Variants in KIAA1217 observed in about 807,000 individuals in gnomAD.
KIAA1217 encodes the protein sickle tail protein homolog.
In KIAA1217, 88 loss-of-function variants were observed where a neutral mutation model predicts 163.9. The ratio of observed to expected loss-of-function variants is 0.54; its 90% CI spans 0.45 to 0.64. The LOEUF (loss-of-function observed/expected upper bound fraction) is 0.64, where lower values mean the gene tolerates loss of function less well. Among genes scored for constraint, KIAA1217 ranks in the 30% least tolerant of loss-of-function variants. The pLI is 0.00. For missense variants in KIAA1217, 2,372 were observed against 2,475.0 expected (o/e 0.96, Z 0.88); for synonymous variants, 903 against 923.1 (o/e 0.98, Z 0.39).
chr10:23,708,019 A>T (rs1436564614), intron 1 of KIAA1217, among the ~76,000 whole-genome samples: 1 of 152,192 alleles, frequency 6.6e-6, no homozygotes, highest in Non-Finnish European at 1.5e-5. Context: ...CTGAGACTGG[A>T]TAATTTATAA....
chr10:24,000,007 A>G (rs954736261), intron 1 of KIAA1217, among the ~76,000 whole-genome samples: 2 of 152,212 alleles, frequency 1.3e-5, no homozygotes, highest in Non-Finnish European at 2.9e-5. Flanking sequence ...TTGAGCTTAC[A>G]GTGAGCTGTG....
At chr10:24,539,339 G>A (rs900754565) in intron 17 of KIAA1217, among the ~76,000 whole-genome samples, 6 of 151,138 alleles carry the variant, frequency 4.0e-5, no homozygotes, top group South Asian at 2.1e-4. Context: ...AGTGATTCTC[G>A]TGCCTCAGCC....
chr10:24,116,444 A>G (rs2063058236), intron 2 of KIAA1217, among the ~76,000 whole-genome samples: 1 of 152,132 alleles, frequency 6.6e-6, no homozygotes, highest in African/African-American at 2.4e-5. Context: ...GCAGGAAAAC[A>G]GCTGTAGACA....
In KIAA1217 at chr10:24,237,275, G is replaced by A. The variant is rs150023756; in HGVS notation, c.354+17366G>A. Among the ~76,000 whole-genome samples the A allele has an allele frequency of 2.4e-3, 370 of 152,306 alleles. 3 individuals are homozygous for A. The highest frequency in any genetic ancestry group is 8.4e-3 in the African/African-American group (351 of 41,558). On this transcript the variant is annotated intron_variant, in intron 2 of 20. Transcript: ENST00000376454. Reference sequence around the variant, plus strand: ...TGTTGTCCTTATTGCTGGGATCCTTGTTGCCAAACACTTTCCCAGCTCTAA... The same window carrying A: ...TGTTGTCCTTATTGCTGGGATCCTTATTGCCAAACACTTTCCCAGCTCTAA...
At chr10:24,198,050 T>G (rs1041901380) in intron 2 of KIAA1217, among the ~76,000 whole-genome samples, 1 of 152,246 alleles carries the variant, frequency 6.6e-6, no homozygotes, top group East Asian at 1.9e-4. Context: ...AACATATGCA[T>G]CCACCTCTGT....
At chr10:24,196,331 G>A (rs1261906378) in intron 2 of KIAA1217, among the ~76,000 whole-genome samples, 1 of 152,214 alleles carries the variant, frequency 6.6e-6, no homozygotes, top group Non-Finnish European at 1.5e-5. Context: ...CAGCTTCCAG[G>A]CAATTGCACA....
chr10:24,425,702 T>C (rs2059118748), intron 3 of KIAA1217, among the ~76,000 whole-genome samples: 1 of 152,216 alleles, frequency 6.6e-6, no homozygotes, highest in South Asian at 2.1e-4. Flanking sequence ...TGATACTTCA[T>C]TGAGTGTCTA....
Position 23,993,553 on chromosome 10 carries a change from C to CTTTTTTTT in KIAA1217, c.-320-13659_-320-13652dup, listed in dbSNP as rs200437343. Among the ~76,000 whole-genome samples the CTTTTTTTT allele has an allele frequency of 6.1e-4, 42 of 68,936 alleles. 13 individuals are homozygous for CTTTTTTTT. The highest frequency in any genetic ancestry group is 1.2e-3 in the South Asian group (2 of 1,674). The allele number at this position is 68,936 out of a possible 152,430, so 45.2% of individuals were successfully genotyped here. ...AAGAGTTTGGCTCTCCATAGCCCAG[C>CTTTTTTTT]TTTTTTTTTTTTTTTTTTTTGAGAC... On this transcript the variant is annotated intron_variant, in intron 1 of 18. Coordinates refer to the KIAA1217 transcript ENST00000376462.
chr10:24,180,165 T>A (rs2066101716), intron 2 of KIAA1217, among the ~76,000 whole-genome samples: 1 of 152,166 alleles, frequency 6.6e-6, no homozygotes, highest in Non-Finnish European at 1.5e-5. Context: ...AAAATCCTTA[T>A]GCCAAAGTGG....
rs12240469 is a variant in KIAA1217 at position 24,166,789 on chromosome 10, G to T, written c.-170-52837G>T. ...ATAATTCAGATGTTCCTAGCATATA[G>T]AAAGCATAAATATTTAAGGTAATGG... On this transcript the variant is annotated intron_variant, in intron 2 of 18. Coordinates refer to the KIAA1217 transcript ENST00000376462. 3.0e-3 allele frequency among the ~76,000 whole-genome samples: 462 copies of T among 152,200 alleles called. 2 individuals carry two copies. The highest frequency in any genetic ancestry group is 0.011 in the African/African-American group (437 of 41,528).
intron 1 of KIAA1217, among the ~76,000 whole-genome samples, chr10:23,721,512 G>T (rs1160328675): frequency 6.6e-6 from 1 of 150,976 alleles, no homozygotes; most frequent in African/African-American, 2.4e-5. Context: ...TCCTACAATT[G>T]CTTTCACTGC....
chr10:23,880,531 T>C (rs1754501061), intron 1 of KIAA1217, among the ~76,000 whole-genome samples: 1 of 151,888 alleles, frequency 6.6e-6, no homozygotes, highest in South Asian at 2.1e-4. Flanking sequence ...TAAGACCTAG[T>C]ATTTGCTAGG....
At chr10:23,924,965 T>C (rs1172437030) in intron 1 of KIAA1217, among the ~76,000 whole-genome samples, 1 of 147,336 alleles carries the variant, frequency 6.8e-6, no homozygotes, top group Non-Finnish European at 1.5e-5. Flanking sequence ...TAAAAAAAAA[T>C]CCAGTAGCCA....
chr10:23,938,164 T>A (rs1843612472), intron 1 of KIAA1217, among the ~76,000 whole-genome samples: 1 of 152,196 alleles, frequency 6.6e-6, no homozygotes. Context: ...CACGCAGAAC[T>A]TTCCTCAGAG....
chr10:24,297,077 A>ATGG (rs2040710997), intron 2 of KIAA1217, among the ~76,000 whole-genome samples: 1 of 152,228 alleles, frequency 6.6e-6, no homozygotes, highest in East Asian at 1.9e-4. Flanking sequence ...TTAGCTGTCT[A>ATGG]GGAATAAAAC....
At position 23,695,453 on chromosome 10, in the gene KIAA1217, C is replaced by A. The variant is rs1835965292; in HGVS notation, c.-321+219C>A. On this transcript the variant is annotated intron_variant, in intron 1 of 18. Coordinates refer to the KIAA1217 transcript ENST00000376462. The surrounding 1 kb of genome is among the most constrained non-coding windows in gnomAD (Gnocchi z 4.9). The stretch of plus-strand genomic sequence containing the variant: ...TGATGGGGTGCCAAAAGGAGAAGAC[C>A]CCCAACTGGGAGGAGGGACTGGAGA... Among the ~76,000 whole-genome samples, 1 of 152,102 alleles carries A rather than the reference C, an allele frequency of 6.6e-6. No individual in the cohort carries two copies. The highest frequency in any genetic ancestry group is 6.5e-5 in the Admixed American group (1 of 15,272).
chr10:23,965,727 G>T (rs1845038788), intron 1 of KIAA1217, among the ~76,000 whole-genome samples: 1 of 152,156 alleles, frequency 6.6e-6, no homozygotes, highest in African/African-American at 2.4e-5. Context: ...CAGCACAGAG[G>T]GAGTGGGAAT....
chr10:23,813,471 C>A (rs1463875115), intron 1 of KIAA1217, among the ~76,000 whole-genome samples: 1 of 151,724 alleles, frequency 6.6e-6, no homozygotes, highest in Non-Finnish European at 1.5e-5. Flanking sequence ...TAAATAAGAT[C>A]TTTATGTATG....
At chr10:24,496,706 A>C (rs1207633092) in intron 8 of KIAA1217, among the ~76,000 whole-genome samples, 1 of 152,204 alleles carries the variant, frequency 6.6e-6, no homozygotes, top group East Asian at 1.9e-4. Context: ...ACATCCACAC[A>C]CGTGACACAC....
Sources: allele counts gnomAD v4.1 joint callset (sites outside exome capture counted in the v4.1 genomes callset), GRCh38; gene constraint gnomAD v4.1.1; non-coding constraint Gnocchi (gnomAD v3.1); transcripts MANE v1.5; gene names NCBI Gene and HGNC (gene_info 2026-07-23, HGNC 2026-07-21).